MMP26: variants seen among roughly 807,000 people sequenced by gnomAD.
MMP26 encodes the protein matrix metalloproteinase-26.
MMP26 carries 33 observed loss-of-function variants against 31.0 expected under a neutral mutation model. The observed-to-expected ratio is 1.06, with a 90% CI of 0.81 to 1.42. The LOEUF (loss-of-function observed/expected upper bound fraction) is 1.42. Among genes scored for constraint, MMP26 ranks in the 40% most tolerant of loss-of-function variants. MMP26 has a pLI of 0.00. For missense variants in MMP26, 347 were observed against 316.1 expected (o/e 1.10, Z -0.74); for synonymous variants, 122 against 114.9 (o/e 1.06, Z -0.40).
intron 1 of MMP26, among the ~76,000 whole-genome samples, chr11:4,738,597 A>G (rs1202832816): frequency 6.6e-6 from 1 of 152,210 alleles, no homozygotes; most frequent in African/African-American, 2.4e-5. Context: ...TTGAAACAGT[A>G]ATATATGTAA....
At chr11:4,910,899 A>T (rs1438914090) in intron 2 of MMP26, among the ~76,000 whole-genome samples, 1 of 152,180 alleles carries the variant, frequency 6.6e-6, no homozygotes, top group African/African-American at 2.4e-5. Context: ...GAGTCCTAAA[A>T]TTATAATATG....
In MMP26 at chr11:4,787,915, C is replaced by A. The variant is rs542456949; in HGVS notation, c.-145+20574C>A. On this transcript the variant is annotated intron_variant, in intron 2 of 7. Coordinates refer to ENST00000380390, the MANE Select transcript of MMP26 (RefSeq NM_021801.5). ...AACCACAGTTCTTTGAAATGGATAA[C>A]CATAATTTCAATTTATGAATTAAGA... Among the ~76,000 whole-genome samples the A allele has an allele frequency of 5.3e-5, 8 of 152,194 alleles. No individual in the cohort carries two copies. In the South Asian group the frequency reaches 1.5e-3, roughly 28 times the overall value.
At chr11:4,924,822 G>A (rs900590352) in intron 2 of MMP26, among the ~76,000 whole-genome samples, 6 of 152,194 alleles carry the variant, frequency 3.9e-5, no homozygotes, top group South Asian at 2.1e-4. Context: ...ATGAGGAAAC[G>A]AAACCAGAAG....
intron 2 of MMP26, among the ~76,000 whole-genome samples, chr11:4,792,919 T>C (rs1849050039): frequency 6.6e-6 from 1 of 152,240 alleles, no homozygotes; most frequent in African/African-American, 2.4e-5. Flanking sequence ...TTTTATTTTA[T>C]TATTGCTCTA....
Position 4,924,725 on chromosome 11 carries a change from G to A in MMP26, c.-144-63343G>A, listed in dbSNP as rs1393078464. On this transcript the variant is annotated intron_variant, in intron 2 of 7. Coordinates refer to ENST00000380390, the MANE Select transcript of MMP26 (RefSeq NM_021801.5). ...GACTGGATCTAGAGATGGGAAGGAA[G>A]AAGAGATTTACACTAGGTTTGAAAC... Among the ~76,000 whole-genome samples, 3 of 152,184 alleles carry A rather than the reference G, an allele frequency of 2.0e-5. No homozygotes were observed. In the East Asian group the frequency reaches 5.8e-4, roughly 29 times the overall value.
Position 4,989,885 on chromosome 11 carries a change from C to T in MMP26, c.320+17C>T, listed in dbSNP as rs1261211466. The stretch of plus-strand genomic sequence containing the variant: ...AACTTACAGGTGCTTGTTACTAAGG[C>T]CTAGAGGATAATGTGTGGGGTGATG... On this transcript the variant is annotated intron_variant, in intron 4 of 7. Transcript: ENST00000380390. 2.5e-6 allele frequency: 4 copies of T among 1,592,506 alleles called. No individual in the cohort carries two copies. In the African/African-American group the frequency reaches 5.4e-5, roughly 21 times the overall value.
intron 2 of MMP26, among the ~76,000 whole-genome samples, chr11:4,982,837 G>A (rs1846834255): frequency 6.6e-6 from 1 of 152,144 alleles, no homozygotes; most frequent in Admixed American, 6.5e-5. Context: ...AATGACCTGA[G>A]GTTCTAGGCT....
chr11:4,924,312 G>A, intron 2 of MMP26: 1 of 1,611,326 alleles, frequency 6.2e-7, no homozygotes, highest in Non-Finnish European at 8.5e-7. Context: ...GTGGCTCTTT[G>A]GAGGCTGCTA....
At chr11:4,944,656 A>G (rs1353542937) in intron 2 of MMP26, 11 of 152,150 alleles carry the variant, frequency 7.2e-5, no homozygotes, top group Non-Finnish European at 1.3e-4. Flanking sequence ...ATGGGTAGGT[A>G]AAATGAAAAG....
chr11:4,898,829 CTCTG>C (rs767906300), intron 2 of MMP26, among the ~76,000 whole-genome samples: 24,617 of 124,388 alleles, frequency 0.2, 2,256 homozygotes, highest in Non-Finnish European at 0.27. Context: ...CTCTCTCTCT[CTCTG>C]TGTGTGTGTG....
intron 1 of MMP26, among the ~76,000 whole-genome samples, chr11:4,766,884 A>C (rs1251686865): frequency 6.6e-6 from 1 of 151,888 alleles, no homozygotes; most frequent in Non-Finnish European, 1.5e-5. Context: ...ATGAGTGCTT[A>C]TTGTGATAAT....
chr11:4,986,901 T>TC (rs1846898726), intron 2 of MMP26, among the ~76,000 whole-genome samples: 1 of 42,280 alleles, frequency 2.4e-5, no homozygotes, highest in Non-Finnish European at 4.8e-5. Context: ...CTTCCTTCCT[T>TC]CCTTTCTCTC....
At chr11:4,768,467 C>T (rs1030814300) in intron 2 of MMP26, among the ~76,000 whole-genome samples, 1 of 152,202 alleles carries the variant, frequency 6.6e-6, no homozygotes, top group South Asian at 2.1e-4. Flanking sequence ...GATCTTAAAA[C>T]ATTTCTGCTA....
chr11:4,715,856 C>G (rs778638608), intron 1 of MMP26, among the ~76,000 whole-genome samples: 1 of 152,114 alleles, frequency 6.6e-6, no homozygotes, highest in Non-Finnish European at 1.5e-5. Flanking sequence ...CCCATGATTA[C>G]GTTACATTAT....
At position 4,914,851 on chromosome 11, in the gene MMP26, C is replaced by T. The variant is rs770663803; in HGVS notation, c.-144-73217C>T. 3 of 1,613,896 alleles carry T rather than the reference C, an allele frequency of 1.9e-6. No individual in the cohort carries two copies. The East Asian group carries it at 6.7e-5, about 36-fold the overall frequency. ...CCACCTGGACCAGGTGGGGTGCCTG[C>T]TTTCCAAAGCGATGGATGACAGAGA... is the stretch of plus-strand genomic sequence containing the variant. On this transcript the variant is annotated intron_variant, in intron 2 of 7. Transcript: ENST00000380390.
intron 2 of MMP26, among the ~76,000 whole-genome samples, chr11:4,768,409 A>G (rs778139065): frequency 6.6e-6 from 1 of 152,192 alleles, no homozygotes; most frequent in African/African-American, 2.4e-5. Flanking sequence ...GGTTACTACA[A>G]CTTTTTAAGA....
chr11:4,987,425 T>A (rs1846918677), intron 2 of MMP26, among the ~76,000 whole-genome samples: 1 of 151,938 alleles, frequency 6.6e-6, no homozygotes. Context: ...TTGTTTTTTG[T>A]TTTTTGTTTT....
At chr11:4,816,978 G>T (rs1454337665) in intron 2 of MMP26, among the ~76,000 whole-genome samples, 4 of 151,762 alleles carry the variant, frequency 2.6e-5, no homozygotes, top group African/African-American at 9.7e-5. Flanking sequence ...CCAAAGTGGG[G>T]TGCCTTCTTT....
At chr11:4,919,922 CTTTG>C (rs1851157135) in intron 2 of MMP26, among the ~76,000 whole-genome samples, 1 of 152,102 alleles carries the variant, frequency 6.6e-6, no homozygotes, top group Non-Finnish European at 1.5e-5. Flanking sequence ...GAACTCAGTC[CTTTG>C]TTTCCAGACA....
Sources: gnomAD v4.1 joint callset for allele counts (sites outside exome capture counted in the v4.1 genomes callset) on GRCh38, gnomAD v4.1.1 for gene constraint, MANE v1.5 for transcripts, NCBI Gene and HGNC (gene_info 2026-07-23, HGNC 2026-07-21) for gene names.